The following KLHDC2 variants were observed in gnomAD, a reference collection of about 807,000 sequenced individuals.
KLHDC2 encodes kelch domain containing 2, also known as kelch domain-containing protein 2.
In KLHDC2, 38 loss-of-function variants were observed where a neutral mutation model predicts 62.3. That is an observed-to-expected ratio of 0.61 (90% CI 0.47 to 0.80). The LOEUF (loss-of-function observed/expected upper bound fraction) is 0.80. Among genes scored for constraint, KLHDC2 ranks in the 30% least tolerant of loss-of-function variants. KLHDC2 has a pLI of 0.00. For synonymous variants in KLHDC2, 159 were observed against 161.0 expected (o/e 0.99, Z 0.09); for missense variants, 430 against 495.3 (o/e 0.87, Z 1.25).
At position 49,785,743 on chromosome 14, in the gene KLHDC2, C is replaced by A; in HGVS notation, c.*2790C>A. On this transcript the variant is annotated 3_prime_UTR_variant, in exon 13 of 13. Transcript: ENST00000298307. ...TCTCTACAAAAAATATAAAAGTTAG[C>A]TGGGTATAGTGGGTGCCTGTAGTCC... The A allele has an allele frequency of 5.5e-6, 1 of 180,412 alleles. No individual in the cohort carries two copies. The highest frequency in any genetic ancestry group is 1.4e-4 in the East Asian group (1 of 6,968). The allele number at this position is 180,412 out of a possible 1,614,324, so 11.2% of individuals were successfully genotyped here.
intron 2 of KLHDC2, among the ~76,000 whole-genome samples, chr14:49,774,142 G>A (rs1889722800): frequency 6.6e-6 from 1 of 152,160 alleles, no homozygotes; most frequent in South Asian, 2.1e-4. Context: ...CAGCTAAAAG[G>A]GGACTGAAGA....
chr14:49,776,390 A>T (rs1452863176), intron 3 of KLHDC2, among the ~76,000 whole-genome samples: 1 of 152,176 alleles, frequency 6.6e-6, no homozygotes, highest in Non-Finnish European at 1.5e-5. Flanking sequence ...GAAGTAAAAA[A>T]TATATAGTGG....
rs1192993193 is a variant in KLHDC2, at chr14:49,783,689, G to A, written c.*736G>A. 2.6e-5 allele frequency: 4 copies of A among 152,004 alleles called. No individual in the cohort carries two copies. Among genetic ancestry groups the A allele is most frequent in the Non-Finnish European group, 5.9e-5 (4 of 67,988 alleles). The allele number at this position is 152,004 out of a possible 1,614,324, so 9.4% of individuals were successfully genotyped here. The stretch of plus-strand genomic sequence containing the variant: ...GTATTATAGGTTAAGATACTCTAAC[G>A]TGCTATATTGGTAATTAATTACTAA... On this transcript the variant is annotated 3_prime_UTR_variant, in exon 13 of 13. Coordinates refer to ENST00000298307, the MANE Select transcript of KLHDC2 (RefSeq NM_014315.3).
intron 6 of KLHDC2, among the ~76,000 whole-genome samples, chr14:49,778,726 C>CTT (rs1247617795): frequency 2.8e-5 from 4 of 144,000 alleles, no homozygotes; most frequent in Admixed American, 7.0e-5. Context: ...TAATCTAATA[C>CTT]TTTTTTTTTT....
rs752034386 is a variant in KLHDC2 at position 49,768,465 on chromosome 14, C to T, written c.-4C>T. The T allele has an allele frequency of 1.9e-6, 3 of 1,608,810 alleles. No individual in the cohort carries two copies. The South Asian group carries it at 3.3e-5, about 18-fold the overall frequency. Reference sequence around the variant, plus strand: ...TTGTTGGTTAGCAAAAGTGCAGCCTCAAGATGGCTGATGGCAACGAGGATC... The same window carrying T: ...TTGTTGGTTAGCAAAAGTGCAGCCTTAAGATGGCTGATGGCAACGAGGATC... On this transcript the variant is annotated 5_prime_UTR_variant, in exon 1 of 13. Transcript: ENST00000298307.
intron 2 of KLHDC2, among the ~76,000 whole-genome samples, chr14:49,774,275 A>G (rs1032903232): frequency 3.3e-5 from 5 of 152,258 alleles, no homozygotes; most frequent in African/African-American, 1.2e-4. Context: ...TTAGTCTGAG[A>G]AACATAAAAT....
At chr14:49,774,765 C>CT in intron 3 of KLHDC2, 87 bp downstream of exon 3, 1 of 821,698 alleles carries the variant, frequency 1.2e-6, no homozygotes, top group South Asian at 1.4e-5. Flanking sequence ...TAGCCCCAGA[C>CT]TTATTTGTGT....
In KLHDC2 at chr14:49,785,667, C is replaced by A; in HGVS notation, c.*2714C>A. 4.5e-6 allele frequency: 1 copy of A among 223,066 alleles called. No individual in the cohort carries two copies. Among genetic ancestry groups the A allele is most frequent in the South Asian group, 6.5e-5 (1 of 15,436 alleles). The allele number at this position is 223,066 out of a possible 1,614,324, so 13.8% of individuals were successfully genotyped here. ...AAGGCTCAGGCTGAGGCGGGTGGAT[C>A]GCTTGAGCCCAGGAGTTCAAGACCA... On this transcript the variant is annotated 3_prime_UTR_variant, in exon 13 of 13. Coordinates refer to ENST00000298307, the MANE Select transcript of KLHDC2 (RefSeq NM_014315.3).
Position 49,785,062 on chromosome 14 carries a change from A to G in KLHDC2, c.*2109A>G, listed in dbSNP as rs1288371283. On this transcript the variant is annotated 3_prime_UTR_variant, in exon 13 of 13. Coordinates refer to ENST00000298307, the MANE Select transcript of KLHDC2 (RefSeq NM_014315.3). ...CTGTTAAGTCACTGAACTGTTTAAA[A>G]TCATAATTCAAAAAAACAAATTTAA... 6.2e-7 allele frequency: 1 copy of G among 1,608,154 alleles called. No individual in the cohort carries two copies. Among genetic ancestry groups the G allele is most frequent in the African/African-American group, 1.3e-5 (1 of 74,748 alleles).
rs1448622342 is a variant in KLHDC2 at position 49,782,381 on chromosome 14, C to A, written c.968C>A (p.Thr323Lys). Residue 323 changes from threonine to lysine, a missense_variant, in exon 11 of 13, where the codon ACA becomes AAA. Coordinates refer to ENST00000298307, the MANE Select transcript of KLHDC2 (RefSeq NM_014315.3). ...TGTTTTAAATGCAGGTTATGGCACA[C>A]AGCTTGTGCCAGCGATGAAGGAGAA... Reference protein sequence around the residue: ...PYTEKPRLWHTACASDEGEVI... With the variant: ...PYTEKPRLWHKACASDEGEVI... 6.2e-7 allele frequency: 1 copy of A among 1,610,830 alleles called. No homozygotes were observed. Among genetic ancestry groups the A allele is most frequent in the South Asian group, 1.1e-5 (1 of 90,726 alleles).
intron 1 of KLHDC2, among the ~76,000 whole-genome samples, chr14:49,770,309 CAAAGGCAA>C (rs1889636263): frequency 1.3e-5 from 2 of 152,142 alleles, no homozygotes; most frequent in Non-Finnish European, 2.9e-5. Flanking sequence ...GAGATTGTTT[CAAAGGCAA>C]TAAACCTTGG....
chr14:49,774,335 A>G (rs1889726305), intron 2 of KLHDC2, among the ~76,000 whole-genome samples: 1 of 152,214 alleles, frequency 6.6e-6, no homozygotes, highest in Admixed American at 6.5e-5. Flanking sequence ...AGAATCTCTC[A>G]TGCCTGTACA....
intron 3 of KLHDC2, among the ~76,000 whole-genome samples, chr14:49,777,360 T>A (rs979544383): frequency 6.6e-6 from 1 of 152,080 alleles, no homozygotes; most frequent in South Asian, 2.1e-4. Context: ...AACTTATCCA[T>A]GTAACCAAAC....
Position 49,785,225 on chromosome 14 carries a change from G to A in KLHDC2, c.*2272G>A. The A allele has an allele frequency of 6.2e-7, 1 of 1,612,642 alleles. No individual in the cohort carries two copies. Among genetic ancestry groups the A allele is most frequent in the Non-Finnish European group, 8.5e-7 (1 of 1,178,716 alleles). On this transcript the variant is annotated 3_prime_UTR_variant, in exon 13 of 13. Coordinates refer to ENST00000298307, the MANE Select transcript of KLHDC2 (RefSeq NM_014315.3). Reference sequence around the variant, plus strand: ...GTCAACTAATGGTAACTTACTTGTAGTTTGTCATGGTGGTGTAAGGGGCAC... The same window carrying A: ...GTCAACTAATGGTAACTTACTTGTAATTTGTCATGGTGGTGTAAGGGGCAC...
intron 3 of KLHDC2, among the ~76,000 whole-genome samples, chr14:49,776,300 T>C (rs1179409103): frequency 6.6e-6 from 1 of 152,206 alleles, no homozygotes; most frequent in Non-Finnish European, 1.5e-5. Flanking sequence ...TGGAGGTAGT[T>C]ACAGAAACAG....
Position 49,784,226 on chromosome 14 carries a change from C to T in KLHDC2, c.*1273C>T, listed in dbSNP as rs1279052031. The T allele has an allele frequency of 6.6e-6, 1 of 150,576 alleles. No homozygotes were observed. The highest frequency in any genetic ancestry group is 1.4e-5 in the Non-Finnish European group (1 of 69,090). 9.3% of individuals were successfully genotyped at this position (150,576 alleles called of 1,614,324 possible). ...AGTCCTTTTGGTGAATATAGCAAGG[C>T]AATGTTTAGTTCATTTGGCCTGTAA... On this transcript the variant is annotated 3_prime_UTR_variant, in exon 13 of 13. Coordinates refer to ENST00000298307, the MANE Select transcript of KLHDC2 (RefSeq NM_014315.3).
At chr14:49,776,878 C>T (rs1314949476) in intron 3 of KLHDC2, among the ~76,000 whole-genome samples, 1 of 151,728 alleles carries the variant, frequency 6.6e-6, no homozygotes, top group Non-Finnish European at 1.5e-5. Context: ...GATCATGCCA[C>T]TGCACTCCAG....
intron 10 of KLHDC2, 125 bp from the exon 11 acceptor site, chr14:49,782,245 G>T: frequency 3.6e-6 from 2 of 557,922 alleles, no homozygotes; most frequent in East Asian, 3.0e-5. Context: ...TTTACTTCTC[G>T]CCATGATGTT....
Position 49,774,552 on chromosome 14 carries a change from C to T in KLHDC2, c.234-9C>T. 6.5e-7 allele frequency: 1 copy of T among 1,549,878 alleles called. No individual in the cohort carries two copies. Among genetic ancestry groups the T allele is most frequent in the Non-Finnish European group, 8.9e-7 (1 of 1,121,870 alleles). ...TTAACTTACATACATTTAATTTATT[C>T]CCCCTCAGGAAAAAAATCAACACTG... is the stretch of plus-strand genomic sequence containing the variant. On this transcript the variant is annotated splice_polypyrimidine_tract_variant and intron_variant, in intron 2 of 12. Coordinates refer to ENST00000298307, the MANE Select transcript of KLHDC2 (RefSeq NM_014315.3).
Sources: allele counts gnomAD v4.1 joint callset (sites outside exome capture counted in the v4.1 genomes callset), GRCh38; gene constraint gnomAD v4.1.1; transcripts MANE v1.5; gene names NCBI Gene and HGNC (gene_info 2026-07-23, HGNC 2026-07-21).